Variants in GAPVD1 observed in about 807,000 individuals in gnomAD.
The protein encoded by GAPVD1 is GTPase-activating protein and VPS9 domain-containing protein 1.
A neutral mutation model predicts 155.5 loss-of-function variants in GAPVD1; 35 were observed. The observed-to-expected ratio is 0.23, with a 90% confidence interval of 0.17 to 0.30. GAPVD1 has a LOEUF of 0.30. Among genes scored for constraint, GAPVD1 ranks in the 10% least tolerant of loss-of-function variants. The pLI is 1.00. For missense variants in GAPVD1, 1,429 were observed against 1,775.7 expected (o/e 0.80, Z 3.51); for synonymous variants, 636 against 619.7 (o/e 1.03, Z -0.39).
chr9:125,310,176 G>C (rs550214278), intron 8 of GAPVD1, among the ~76,000 whole-genome samples: 1 of 152,112 alleles, frequency 6.6e-6, no homozygotes, highest in Non-Finnish European at 1.5e-5. Flanking sequence ...ATGATTCATA[G>C]ATCTGTTTAT....
intron 3 of GAPVD1, among the ~76,000 whole-genome samples, chr9:125,297,741 A>AGTTTT (rs568416009): frequency 2.4e-4 from 37 of 152,044 alleles, no homozygotes; most frequent in South Asian, 8.3e-4. Context: ...ATCTGACTTA[A>AGTTTT]GTTTTGTTTT....
chr9:125,310,005 G>A (rs1367868758), intron 8 of GAPVD1: 4 of 457,188 alleles, frequency 8.7e-6, no homozygotes, highest in South Asian at 4.8e-5. Flanking sequence ...TAGTAACCCC[G>A]TTTGGTGGGT....
intron 9 of GAPVD1, among the ~76,000 whole-genome samples, chr9:125,313,896 C>T (rs977842523): frequency 1.3e-5 from 2 of 152,194 alleles, no homozygotes; most frequent in African/African-American, 4.8e-5. Context: ...TCACTGCACC[C>T]AGCCAATGAA....
At chr9:125,335,304 T>C (rs756247475) in intron 15 of GAPVD1, 3 of 585,232 alleles carry the variant, frequency 5.1e-6, no homozygotes, top group Non-Finnish European at 9.4e-6. Context: ...CTCTTCATTT[T>C]TTATTTTGGA....
chr9:125,336,114 C>T (rs1295180497), intron 15 of GAPVD1, among the ~76,000 whole-genome samples: 5 of 147,090 alleles, frequency 3.4e-5, no homozygotes, highest in Non-Finnish European at 7.4e-5. Flanking sequence ...CACTGCACTC[C>T]AGCCAGGGTG....
rs183000795 is a variant in GAPVD1 at position 125,359,242 on chromosome 9, C to G, written c.3972-178C>G. ...CATCCCCTTGGCTCACTCAGCATTT[C>G]TGAGCAGATTAGAAAGAATACTTAT... On this transcript the variant is annotated intron_variant, in intron 25 of 27. Coordinates refer to ENST00000297933, the MANE Select transcript of GAPVD1 (RefSeq NM_001282680.3). 1.2e-3 allele frequency among the ~76,000 whole-genome samples: 182 copies of G among 152,286 alleles called. 1 individual carries two copies. The highest frequency in any genetic ancestry group is 0.01 in the South Asian group (50 of 4,830).
At chr9:125,284,590 C>T (rs1193099386) in intron 2 of GAPVD1, among the ~76,000 whole-genome samples, 1 of 151,986 alleles carries the variant, frequency 6.6e-6, no homozygotes, top group African/African-American at 2.4e-5. Context: ...GACTGACAGG[C>T]TTGAGACACC....
chr9:125,342,407 G>C (rs1343301476), intron 19 of GAPVD1, 108 bp downstream of exon 19: 10 of 709,224 alleles, frequency 1.4e-5, no homozygotes, highest in Non-Finnish European at 2.3e-5. Flanking sequence ...GTGTGTCTGT[G>C]TGTACAGTGG....
At chr9:125,352,092 G>A (rs1347272150) in intron 23 of GAPVD1, among the ~76,000 whole-genome samples, 2 of 152,194 alleles carry the variant, frequency 1.3e-5, no homozygotes, top group Middle Eastern at 3.2e-3. Flanking sequence ...GCAGGGTATA[G>A]CCACTTTTCT....
At chr9:125,320,452 C>T (rs1844153824) in intron 9 of GAPVD1, among the ~76,000 whole-genome samples, 1 of 151,664 alleles carries the variant, frequency 6.6e-6, no homozygotes, top group Admixed American at 6.6e-5. Context: ...CTTTTGTGGC[C>T]CTGTATGTAT....
At chr9:125,287,139 T>C (rs1837835128) in intron 2 of GAPVD1, among the ~76,000 whole-genome samples, 1 of 152,074 alleles carries the variant, frequency 6.6e-6, no homozygotes, top group African/African-American at 2.4e-5. Context: ...GCCATGTGCA[T>C]ACTGTATGGT....
chr9:125,307,192 G>C (rs927435373), intron 6 of GAPVD1, among the ~76,000 whole-genome samples: 5 of 151,346 alleles, frequency 3.3e-5, no homozygotes, highest in African/African-American at 1.2e-4. Context: ...AGTGGGGGAG[G>C]AGGTGTGCAG....
chr9:125,273,850 A>G (rs556316949), intron 2 of GAPVD1, among the ~76,000 whole-genome samples: 146 of 151,902 alleles, frequency 9.6e-4, no homozygotes, highest in Non-Finnish European at 1.3e-3. Context: ...TCTTTTGCGT[A>G]TTCACTTCTT....
At chr9:125,274,364 G>T (rs1463603921) in intron 2 of GAPVD1, among the ~76,000 whole-genome samples, 1 of 151,642 alleles carries the variant, frequency 6.6e-6, no homozygotes, top group East Asian at 1.9e-4. Context: ...GAAAAAAAAT[G>T]AAGGGTTTTC....
intron 10 of GAPVD1, among the ~76,000 whole-genome samples, chr9:125,322,209 C>T (rs965352319): frequency 1.3e-5 from 2 of 152,086 alleles, no homozygotes; most frequent in Admixed American, 1.3e-4. Flanking sequence ...GGACTACAGG[C>T]ACCCGCCACC....
intron 1 of GAPVD1, among the ~76,000 whole-genome samples, chr9:125,265,716 A>G (rs1212202408): frequency 5.7e-5 from 1 of 17,464 alleles, no homozygotes; most frequent in African/African-American, 2.2e-4. Flanking sequence ...CGGCCAAAAA[A>G]AAAATTTCAT....
chr9:125,271,650 A>G (rs1282229725), intron 2 of GAPVD1, among the ~76,000 whole-genome samples: 1 of 152,062 alleles, frequency 6.6e-6, no homozygotes, highest in Non-Finnish European at 1.5e-5. Flanking sequence ...TCCCGGGTTC[A>G]AGCGATTCTC....
chr9:125,316,400 A>T (rs758994582), intron 9 of GAPVD1, among the ~76,000 whole-genome samples: 1 of 151,666 alleles, frequency 6.6e-6, no homozygotes, highest in East Asian at 1.9e-4. Context: ...TCATTGTTCA[A>T]CTCCCACTTA....
At chr9:125,280,049 C>T (rs1328880096) in intron 2 of GAPVD1, among the ~76,000 whole-genome samples, 3 of 150,998 alleles carry the variant, frequency 2.0e-5, no homozygotes, top group Non-Finnish European at 3.0e-5. Context: ...AGGCGTGAGC[C>T]GCTGCGCTGG....
Sources: allele counts gnomAD v4.1 joint callset (sites outside exome capture counted in the v4.1 genomes callset), GRCh38; gene constraint gnomAD v4.1.1; transcripts MANE v1.5; gene names NCBI Gene and HGNC (gene_info 2026-07-23, HGNC 2026-07-21).